The following LIMCH1 variants were observed in gnomAD, a reference collection of about 807,000 sequenced individuals.
LIMCH1 encodes the protein LIM and calponin homology domains-containing protein 1.
In LIMCH1, 113 loss-of-function variants were observed where a neutral mutation model predicts 176.5. The ratio of observed to expected loss-of-function variants is 0.64; its 90% CI spans 0.55 to 0.75. The LOEUF (loss-of-function observed/expected upper bound fraction) is 0.75, where lower values mean the gene tolerates loss of function less well. Among genes scored for constraint, LIMCH1 ranks in the 30% least tolerant of loss-of-function variants. The probability of loss-of-function intolerance (pLI) is 0.00; values close to 1 mark genes in which losing one functional copy is unlikely to be tolerated. For missense variants in LIMCH1, 1,674 were observed against 1,814.9 expected, an observed-to-expected ratio of 0.92 and a Z score of 1.41; for synonymous variants, 619 against 645.9, an observed-to-expected ratio of 0.96 and a Z score of 0.63.
intron 1 of LIMCH1, among the ~76,000 whole-genome samples, chr4:41,418,328 T>C (rs895875315): frequency 2.7e-4 from 41 of 152,224 alleles, no homozygotes; most frequent in African/African-American, 9.9e-4. Context: ...TTTAATTACA[T>C]CTGCGTTTTT....
chr4:41,529,464 A>T (rs2077025938), intron 3 of LIMCH1, among the ~76,000 whole-genome samples: 1 of 152,212 alleles, frequency 6.6e-6, no homozygotes, highest in Admixed American at 6.5e-5. Context: ...GTCTGTAAGG[A>T]TAAAAGTGAT....
At chr4:41,431,580 C>A (rs1373105059) in intron 1 of LIMCH1, among the ~76,000 whole-genome samples, 1 of 152,200 alleles carries the variant, frequency 6.6e-6, no homozygotes, top group Non-Finnish European at 1.5e-5. Context: ...TAAAAGGCAT[C>A]TAGCTGAATT....
At chr4:41,642,737 C>CTTTT (rs368906535) in intron 14 of LIMCH1, among the ~76,000 whole-genome samples, 32,978 of 135,828 alleles carry the variant, frequency 0.24, 4,187 homozygotes, top group Middle Eastern at 0.34. Flanking sequence ...TTTCTTTTTT[C>CTTTT]TTTTTTTTTT....
At chr4:41,685,623 GGCATTA>G in intron 27 of LIMCH1, 81 bp from the exon 28 acceptor site, 15 of 1,510,448 alleles carry the variant, frequency 9.9e-6, no homozygotes, top group Non-Finnish European at 1.4e-5. Flanking sequence ...AACCTCAACA[GGCATTA>G]GCACTTTAAA....
At chr4:41,581,805 C>CAAAAAAAAAAAAAAAAAAA (rs56150312) in intron 1 of LIMCH1, among the ~76,000 whole-genome samples, 13 of 76,186 alleles carry the variant, frequency 1.7e-4, no homozygotes, top group Admixed American at 3.5e-4. Flanking sequence ...GACTCTGTCT[C>CAAAAAAAAAAAAAAAAAAA]AAAAAAAAAA....
Position 41,646,242 on chromosome 4 carries a change from GA to G in LIMCH1, c.2377del (p.Ser793AlafsTer73). On this transcript the variant is annotated frameshift_variant, in exon 16 of 32. Coordinates refer to ENST00000503057, the MANE Select transcript of LIMCH1 (RefSeq NM_001330672.2). LOFTEE classifies it high-confidence loss of function. ...GAGAAGATGGGACAAGTGAACGAAG[GA>G]AAAGCATCAAAACCTACAGAGAAAT... ...AGEDGTSERRKSIKTYREIVQ... is the reference protein window; with the variant it reads ...AGEDGTSERRXSIKTYREIVQ... The G allele has an allele frequency of 6.2e-7, 1 of 1,612,904 alleles. No homozygotes were observed. The highest frequency in any genetic ancestry group is 8.5e-7 in the Non-Finnish European group (1 of 1,179,810).
chr4:41,505,418 G>A (rs575390592), intron 2 of LIMCH1, among the ~76,000 whole-genome samples: 20 of 152,334 alleles, frequency 1.3e-4, no homozygotes, highest in African/African-American at 4.8e-4. Flanking sequence ...CTCTCATCTA[G>A]CTTGTGATCA....
chr4:41,413,430 A>G (rs1233798704), intron 1 of LIMCH1, among the ~76,000 whole-genome samples: 1 of 151,980 alleles, frequency 6.6e-6, no homozygotes, highest in African/African-American at 2.4e-5. Flanking sequence ...CCTGGGCTCA[A>G]GCGATCCTCC....
chr4:41,557,544 C>CTGTGTGTGTG (rs1027942562), intron 1 of LIMCH1, among the ~76,000 whole-genome samples: 4 of 99,838 alleles, frequency 4.0e-5, no homozygotes, highest in African/African-American at 3.7e-4. Flanking sequence ...TCTTTATTGC[C>CTGTGTGTGTG]TCTGTGTGTG....
Position 41,689,518 on chromosome 4 carries a change from TA to T in LIMCH1, c.4167-6del. 6.6e-7 allele frequency: 1 copy of T among 1,509,304 alleles called. No homozygotes were observed. Among genetic ancestry groups the T allele is most frequent in the Non-Finnish European group, 9.2e-7 (1 of 1,084,708 alleles). The allele number at this position is 1,509,304 out of a possible 1,614,324, so 93.5% of individuals were successfully genotyped here. On this transcript the variant is annotated splice_polypyrimidine_tract_variant and splice_region_variant and intron_variant, in intron 29 of 31. Transcript: ENST00000503057. ...AAGTTTTTATTCTTATGTATATTTT[TA>T]AACCTAGGTCTATAAGTGGAAAGAA...
At chr4:41,678,618 G>A (rs774798570) in intron 23 of LIMCH1, among the ~76,000 whole-genome samples, 16 of 152,180 alleles carry the variant, frequency 1.1e-4, no homozygotes, top group Non-Finnish European at 1.8e-4. Flanking sequence ...TAACAGAGGC[G>A]GGCACCAGGC....
chr4:41,370,909 G>T (rs2053865937), intron 1 of LIMCH1, among the ~76,000 whole-genome samples: 1 of 152,178 alleles, frequency 6.6e-6, no homozygotes, highest in Non-Finnish European at 1.5e-5. Context: ...TGGGAAAATG[G>T]AAGCACGGAA....
In LIMCH1 at chr4:41,652,264, G is replaced by A. The variant is rs1400779557; in HGVS notation, c.3036+1656G>A. On this transcript the variant is annotated intron_variant, in intron 18 of 31. Transcript: ENST00000503057. ...ACTAAAATTATTTTTTTTTTCAGAG[G>A]AGTTGAGAAGATATAATTCTTCCAC... 2.0e-5 allele frequency among the ~76,000 whole-genome samples: 3 copies of A among 151,732 alleles called. No homozygotes were observed. In the East Asian group the frequency reaches 5.8e-4, roughly 29 times the overall value.
chr4:41,619,763 C>A, intron 6 of LIMCH1: 1 of 349,178 alleles, frequency 2.9e-6, no homozygotes, highest in Non-Finnish European at 5.3e-6. Flanking sequence ...TGCTTGACTC[C>A]CAATCCTGTC....
rs147724483 is a variant in LIMCH1 at position 41,629,229 on chromosome 4, C to T, written c.1029-263C>T. On this transcript the variant is annotated intron_variant, in intron 8 of 31. Transcript: ENST00000503057. Reference sequence around the variant, plus strand: ...ACCATTAGTAATCTTTCAGCAGGCACGGCTTCTTTTCCTAAACTGTAGTTG... The same window carrying T: ...ACCATTAGTAATCTTTCAGCAGGCATGGCTTCTTTTCCTAAACTGTAGTTG... Among the ~76,000 whole-genome samples, 389 of 152,240 alleles carry T rather than the reference C, an allele frequency of 2.6e-3. 3 individuals carry two copies. Among genetic ancestry groups the T allele is most frequent in the African/African-American group, 8.2e-3 (341 of 41,530 alleles).
intron 1 of LIMCH1, among the ~76,000 whole-genome samples, chr4:41,363,526 C>G (rs1231668155): frequency 6.6e-6 from 1 of 152,084 alleles, no homozygotes; most frequent in Non-Finnish European, 1.5e-5. Flanking sequence ...TGTCTCGCCT[C>G]GATTCTTGGT....
At chr4:41,549,308 T>A (rs2080054591) in intron 1 of LIMCH1, among the ~76,000 whole-genome samples, 1 of 152,200 alleles carries the variant, frequency 6.6e-6, no homozygotes, top group Admixed American at 6.5e-5. Flanking sequence ...TATTCTTTAC[T>A]CTTCACAGTA....
At chr4:41,432,117 T>C (rs1243806566) in intron 1 of LIMCH1, among the ~76,000 whole-genome samples, 2 of 152,198 alleles carry the variant, frequency 1.3e-5, no homozygotes, top group African/African-American at 4.8e-5. Flanking sequence ...CCGTGATTGT[T>C]TGATTTCAAA....
chr4:41,690,474 C>T (rs1301003094), intron 30 of LIMCH1, among the ~76,000 whole-genome samples: 1 of 152,104 alleles, frequency 6.6e-6, no homozygotes, highest in Non-Finnish European at 1.5e-5. Flanking sequence ...CTGTATTTTC[C>T]ACTCATGGAC....
Sources: gnomAD v4.1 joint callset for allele counts (sites outside exome capture counted in the v4.1 genomes callset) on GRCh38, gnomAD v4.1.1 for gene constraint, MANE v1.5 for transcripts, NCBI Gene and HGNC (gene_info 2026-07-23, HGNC 2026-07-21) for gene names.